The following MACROD2 variants were observed in gnomAD, a reference collection of about 807,000 sequenced individuals.
MACROD2 encodes mono-ADP ribosylhydrolase 2, also known as ADP-ribose glycohydrolase MACROD2.
A neutral mutation model predicts 70.4 loss-of-function variants in MACROD2; 36 were observed. The ratio of observed to expected loss-of-function variants is 0.51; its 90% CI spans 0.39 to 0.68. MACROD2 has a LOEUF of 0.68. Ranked by LOEUF, MACROD2 falls within the 30% of genes least tolerant of loss-of-function variation. MACROD2 has a pLI of 0.00. For missense variants in MACROD2, 496 were observed against 538.4 expected, an observed-to-expected ratio of 0.92 and a Z score of 0.78; for synonymous variants, 172 against 178.8, an observed-to-expected ratio of 0.96 and a Z score of 0.30.
intron 3 of MACROD2, among the ~76,000 whole-genome samples, chr20:14,112,050 G>A (rs368756762): frequency 1.3e-5 from 2 of 152,138 alleles, no homozygotes. Flanking sequence ...ATGAGATCCA[G>A]TCATTTGTAA....
chr20:15,314,056 C>T (rs1027062386), intron 6 of MACROD2, among the ~76,000 whole-genome samples: 5 of 151,966 alleles, frequency 3.3e-5, no homozygotes, highest in African/African-American at 1.2e-4. Flanking sequence ...GGTAAAATAT[C>T]ATTAAAAGGT....
intron 3 of MACROD2, among the ~76,000 whole-genome samples, chr20:14,197,919 G>A (rs887778847): frequency 3.3e-5 from 5 of 152,194 alleles, no homozygotes; most frequent in Non-Finnish European, 7.3e-5. Context: ...GCCGATCTTA[G>A]ATGTAAATCA....
chr20:14,418,896 CTTT>C (rs2083841572), intron 3 of MACROD2, among the ~76,000 whole-genome samples: 1 of 151,930 alleles, frequency 6.6e-6, no homozygotes, highest in Non-Finnish European at 1.5e-5. Flanking sequence ...TGTTTTGTTT[CTTT>C]GTCTCCATGT....
At chr20:14,709,770 T>C (rs956357970) in intron 5 of MACROD2, among the ~76,000 whole-genome samples, 5 of 152,196 alleles carry the variant, frequency 3.3e-5, no homozygotes, top group Non-Finnish European at 1.5e-5. Flanking sequence ...TAGTATCTTT[T>C]AGGATTAGGT....
At chr20:14,411,711 T>G (rs2122867237) in intron 3 of MACROD2, among the ~76,000 whole-genome samples, 1 of 152,268 alleles carries the variant, frequency 6.6e-6, no homozygotes, top group South Asian at 2.1e-4. Context: ...TTTTCTCATC[T>G]TGTTTTATTT....
intron 8 of MACROD2, among the ~76,000 whole-genome samples, chr20:15,522,744 G>T (rs2146532478): frequency 6.6e-6 from 1 of 152,324 alleles, no homozygotes; most frequent in East Asian, 1.9e-4. Flanking sequence ...CATTGTTCTA[G>T]ACTTGGATGG....
intron 8 of MACROD2, among the ~76,000 whole-genome samples, chr20:15,829,956 G>A (rs2064036590): frequency 6.6e-6 from 1 of 152,298 alleles, no homozygotes; most frequent in South Asian, 2.1e-4. Context: ...CAGACTCAAG[G>A]AATAGGATGC....
intron 2 of MACROD2, among the ~76,000 whole-genome samples, chr20:14,068,425 A>G (rs1212420966): frequency 6.6e-6 from 1 of 152,198 alleles, no homozygotes; most frequent in African/African-American, 2.4e-5. Context: ...ACAGGAAACA[A>G]AAAGTTCAGC....
chr20:14,682,268 A>G (rs2070941471), intron 4 of MACROD2, among the ~76,000 whole-genome samples: 1 of 152,080 alleles, frequency 6.6e-6, no homozygotes. Flanking sequence ...ACTTTAAAAT[A>G]CTTTTCTTAA....
At position 15,946,394 on chromosome 20, in the gene MACROD2, A is replaced by G. The variant is rs535469221; in HGVS notation, c.907+8850A>G. Among the ~76,000 whole-genome samples, 44 of 152,140 alleles carry G rather than the reference A, an allele frequency of 2.9e-4. No individual in the cohort carries two copies. In the South Asian group the frequency reaches 8.7e-3, roughly 30 times the overall value. ...TCCATCACAAATTATCTGAGCAAAC[A>G]TTACATTGACAGAAATTATAACAGA... On this transcript the variant is annotated intron_variant, in intron 12 of 17. Coordinates refer to ENST00000684519, the MANE Select transcript of MACROD2 (RefSeq NM_001351661.2).
intron 8 of MACROD2, among the ~76,000 whole-genome samples, chr20:15,690,531 A>G (rs1011655417): frequency 1.3e-5 from 2 of 152,208 alleles, no homozygotes; most frequent in African/African-American, 4.8e-5. Flanking sequence ...GAGGGACCAG[A>G]CTGGGCTGGA....
At chr20:14,300,603 T>G (rs2082466502) in intron 3 of MACROD2, among the ~76,000 whole-genome samples, 1 of 152,180 alleles carries the variant, frequency 6.6e-6, no homozygotes, top group African/African-American at 2.4e-5. Flanking sequence ...TGTTTTTAAG[T>G]AGGATTCAGA....
At position 14,922,224 on chromosome 20, in the gene MACROD2, G is replaced by T. The variant is rs112061816; in HGVS notation, c.418+237265G>T. Among the ~76,000 whole-genome samples the T allele has an allele frequency of 2.1e-3, 315 of 152,232 alleles. 1 individual carries two copies. Among genetic ancestry groups the T allele is most frequent in the African/African-American group, 7.2e-3 (298 of 41,544 alleles). ...GTCAAAGAAAGGTGCTTTATACATAGTCTAGGTCTATTTGCTTTTCAACTT... is the reference window on the plus strand; with the variant it reads ...GTCAAAGAAAGGTGCTTTATACATATTCTAGGTCTATTTGCTTTTCAACTT... On this transcript the variant is annotated intron_variant, in intron 5 of 17. Coordinates refer to ENST00000684519, the MANE Select transcript of MACROD2 (RefSeq NM_001351661.2).
chr20:15,028,983 A>T (rs543537003), intron 5 of MACROD2, among the ~76,000 whole-genome samples: 1 of 152,308 alleles, frequency 6.6e-6, no homozygotes, highest in African/African-American at 2.4e-5. Flanking sequence ...ATAATTCAGC[A>T]TATCTGCTGC....
At chr20:15,636,394 A>G (rs1258820366) in intron 8 of MACROD2, among the ~76,000 whole-genome samples, 1 of 152,212 alleles carries the variant, frequency 6.6e-6, no homozygotes, top group African/African-American at 2.4e-5. Context: ...CTTGGGATGC[A>G]TAGATGTAGA....
chr20:14,595,755 C>T (rs1203519817), intron 4 of MACROD2, among the ~76,000 whole-genome samples: 2 of 152,090 alleles, frequency 1.3e-5, no homozygotes. Context: ...CCATGTTTTG[C>T]CTACGTATAT....
chr20:14,308,271 A>G (rs1169203880), intron 3 of MACROD2, among the ~76,000 whole-genome samples: 1 of 152,190 alleles, frequency 6.6e-6, no homozygotes, highest in Non-Finnish European at 1.5e-5. Flanking sequence ...AAGATCTGTC[A>G]TTAGGTATGG....
At chr20:15,066,195 G>A (rs1262419333) in intron 5 of MACROD2, among the ~76,000 whole-genome samples, 1 of 151,248 alleles carries the variant, frequency 6.6e-6, no homozygotes, top group African/African-American at 2.4e-5. Context: ...ACAATGGTAC[G>A]ATCTCAGCTC....
In MACROD2 at chr20:14,943,476, T is replaced by TAA. The variant is rs564526162; in HGVS notation, c.418+258517_418+258518insAA. Among the ~76,000 whole-genome samples the TAA allele has an allele frequency of 7.1e-3, 1,088 of 152,294 alleles. 13 individuals are homozygous for TAA. Among genetic ancestry groups the TAA allele is most frequent in the African/African-American group, 0.024 (1,010 of 41,556 alleles). ...CATGCTATTTTTACTTTAAAGTTTA[T>TAA]TAAGTCTAATTAATTGTCTCATAAT... On this transcript the variant is annotated intron_variant, in intron 5 of 17. Transcript: ENST00000684519.
Sources: gnomAD v4.1 joint callset for allele counts (sites outside exome capture counted in the v4.1 genomes callset) on GRCh38, gnomAD v4.1.1 for gene constraint, MANE v1.5 for transcripts, NCBI Gene and HGNC (gene_info 2026-07-23, HGNC 2026-07-21) for gene names.